The following DGKA variants were observed in gnomAD, a reference collection of about 807,000 sequenced individuals.
DGKA encodes diacylglycerol kinase alpha, also known as 80 kDa diacylglycerol kinase.
A neutral mutation model predicts 105.0 loss-of-function variants in DGKA; 35 were observed. The ratio of observed to expected loss-of-function variants is 0.33; its 90% CI spans 0.25 to 0.44. The LOEUF (loss-of-function observed/expected upper bound fraction) is 0.44, where lower values mean the gene tolerates loss of function less well. Among genes scored for constraint, DGKA ranks in the 20% least tolerant of loss-of-function variants. The pLI is 1.00. For missense variants in DGKA, 665 were observed against 915.0 expected (o/e 0.73, Z 3.53); for synonymous variants, 296 against 332.0 (o/e 0.89, Z 1.18).
intron 17 of DGKA, among the ~76,000 whole-genome samples, chr12:55,950,262 C>T (rs895672080): frequency 6.1e-5 from 9 of 147,780 alleles, no homozygotes; most frequent in African/African-American, 2.3e-4. Flanking sequence ...CATCAGCCAT[C>T]GCGCCCGGCC....
In DGKA at chr12:55,938,582, C is replaced by A. The variant is rs773518297; in HGVS notation, c.399+22C>A. On this transcript the variant is annotated intron_variant, in intron 6 of 23. Coordinates refer to ENST00000331886, the MANE Select transcript of DGKA (RefSeq NM_001345.5). The stretch of plus-strand genomic sequence containing the variant: ...CTCAGTGAGTTGGGGACCCTGTATG[C>A]TGGGCAAGGGAATATGTGTTAATTT... The A allele has an allele frequency of 9.9e-6, 16 of 1,614,050 alleles. No homozygotes were observed. In the Middle Eastern group the frequency reaches 1.2e-3, roughly 116 times the overall value.
At chr12:55,943,013 A>G (rs910894848) in intron 17 of DGKA, among the ~76,000 whole-genome samples, 1 of 152,098 alleles carries the variant, frequency 6.6e-6, no homozygotes, top group Admixed American at 6.6e-5. Context: ...ATAGGGTGAA[A>G]GGTGGAAAAT....
Position 55,940,679 on chromosome 12 carries a change from G to A in DGKA, c.974G>A (p.Arg325Gln), listed in dbSNP as rs751345629. The change falls in exon 12 of 24, where the codon CGG (arginine) becomes CAG (glutamine). Residue 325 changes from arginine (R) to glutamine (Q), a missense_variant. Coordinates refer to ENST00000331886, the MANE Select transcript of DGKA (RefSeq NM_001345.5). The surrounding 1 kb of genome is among the most constrained non-coding windows in gnomAD (Gnocchi z 4.3). ...CATGAGTGTGACTGTGGGCTGCTCC[G>A]GGATCACATCCTGCCTCCATCTTCC... ...VGHECDCGLL[R>Q]DHILPPSSIY... 1.2e-5 allele frequency: 20 copies of A among 1,604,942 alleles called. No homozygotes were observed. Among genetic ancestry groups the A allele is most frequent in the East Asian group, 2.2e-5 (1 of 44,810 alleles).
At chr12:55,936,264 G>A (rs549093070) in intron 1 of DGKA, 159 bp from the exon 2 acceptor site, 2 of 812,612 alleles carry the variant, frequency 2.5e-6, no homozygotes, top group Non-Finnish European at 3.6e-6. Context: ...GAGGCATAGG[G>A]AAGAGGGACA....
intron 1 of DGKA, chr12:55,935,929 G>T: frequency 1.0e-6 from 1 of 986,434 alleles, no homozygotes; most frequent in Non-Finnish European, 1.2e-6. Context: ...GAACAAAATG[G>T]GGTCATGGCC....
intron 14 of DGKA, 36 bp downstream of exon 14, chr12:55,941,361 G>A (rs1301534411): frequency 6.8e-6 from 11 of 1,606,132 alleles, no homozygotes; most frequent in East Asian, 2.2e-5. Flanking sequence ...TAAGATGAGA[G>A]GCAGGGCCTG....
rs1207197048 is a variant in DGKA at position 55,953,970 on chromosome 12, G to A, written c.*202G>A. On this transcript the variant is annotated 3_prime_UTR_variant, in exon 24 of 24. Coordinates refer to ENST00000331886, the MANE Select transcript of DGKA (RefSeq NM_001345.5). ...ACACACACCCCAAAACACATACATTGAAAGTGCCTCATCTGAATAAAATGA... is the reference window on the plus strand; with the variant it reads ...ACACACACCCCAAAACACATACATTAAAAGTGCCTCATCTGAATAAAATGA... The A allele has an allele frequency of 1.6e-6, 1 of 632,490 alleles. No individual in the cohort carries two copies. Among genetic ancestry groups the A allele is most frequent in the Non-Finnish European group, 2.7e-6 (1 of 368,002 alleles). The allele number at this position is 632,490 out of a possible 1,614,324, so 39.2% of individuals were successfully genotyped here.
At chr12:55,927,820 G>A (rs1883224727), upstream of DGKA, 1 of 1,518,112 alleles carries the variant, frequency 6.6e-7, no homozygotes, top group East Asian at 2.5e-5. Flanking sequence ...CTGCCCCGCT[G>A]GGCGGCGCCG....
chr12:55,939,744 A>C (rs1476326199), intron 9 of DGKA: 1 of 603,888 alleles, frequency 1.7e-6, no homozygotes, highest in African/African-American at 1.9e-5. Context: ...GGTGCAAGAA[A>C]AGTGCTTCAG....
chr12:55,951,977 G>A, intron 18 of DGKA, 58 bp from the exon 19 acceptor site: 1 of 1,599,492 alleles, frequency 6.3e-7, no homozygotes, highest in Non-Finnish European at 8.6e-7. Context: ...GGGAAAGAGG[G>A]GAGACCGGGA....
At chr12:55,948,415 A>C (rs937361006) in intron 17 of DGKA, among the ~76,000 whole-genome samples, 14 of 150,050 alleles carry the variant, frequency 9.3e-5, no homozygotes, top group Admixed American at 2.7e-4. Context: ...AAAAAAAAAA[A>C]GGTATTTTCT....
At chr12:55,937,880 CT>C in intron 4 of DGKA, 97 bp from the exon 5 acceptor site, 55 of 1,137,234 alleles carry the variant, frequency 4.8e-5, no homozygotes, top group Non-Finnish European at 6.2e-5. Flanking sequence ...ATCAGTAAAT[CT>C]TTTTTTTAAA....
upstream of DGKA, chr12:55,927,776 C>G: frequency 6.5e-7 from 1 of 1,538,088 alleles, no homozygotes; most frequent in Non-Finnish European, 8.7e-7. Context: ...GAAGAGGCAG[C>G]GGACCAGGTT....
chr12:55,942,040 G>A lies in DGKA; in HGVS notation c.1293G>A (p.Val431=), dbSNP rs1886122736. Residue 431 remains valine (V), a synonymous_variant, in exon 16 of 24, where the codon GTG becomes GTA. Transcript: ENST00000331886. ...ATGTTCCTGATAGCCGGATTTTGGTGTGTGGTGGAGACGGCACAGTAGGCT... is the reference window on the plus strand; with the variant it reads ...ATGTTCCTGATAGCCGGATTTTGGTATGTGGTGGAGACGGCACAGTAGGCT... ...FKDVPDSRIL[V]CGGDGTVGWI... 1 of 1,614,212 alleles carries A rather than the reference G, an allele frequency of 6.2e-7. No homozygotes were observed. Among genetic ancestry groups the A allele is most frequent in the African/African-American group, 1.3e-5 (1 of 75,036 alleles).
upstream of DGKA, chr12:55,927,895 GCC>G (rs1883226939): frequency 2.8e-5 from 33 of 1,176,062 alleles, no homozygotes; most frequent in Admixed American, 5.2e-5. Flanking sequence ...AACCCTGAGT[GCC>G]TCCTCGGGCT....
intron 4 of DGKA, among the ~76,000 whole-genome samples, chr12:55,937,750 C>T (rs1885047633): frequency 3.3e-5 from 5 of 152,058 alleles, no homozygotes. Flanking sequence ...GTAGTCCCAG[C>T]ACTTTGGGAA....
intron 17 of DGKA, among the ~76,000 whole-genome samples, chr12:55,948,545 CAGTG>C (rs1887507996): frequency 6.7e-6 from 1 of 149,272 alleles, no homozygotes; most frequent in South Asian, 2.1e-4. Flanking sequence ...CTGGGCTACA[CAGTG>C]AGACCTCATC....
chr12:55,930,097 C>T (rs1468791929), upstream of DGKA, among the ~76,000 whole-genome samples: 1 of 152,104 alleles, frequency 6.6e-6, no homozygotes, highest in Non-Finnish European at 1.5e-5. Flanking sequence ...GTTAGGGGAC[C>T]TATTCTTACA....
intron 2 of DGKA, 138 bp from the exon 3 acceptor site, chr12:55,936,879 A>G (rs760041487): frequency 1.3e-5 from 12 of 897,836 alleles, no homozygotes; most frequent in Non-Finnish European, 2.1e-5. Flanking sequence ...AGGATCTGAA[A>G]TATTTTTCCC....
Sources: allele counts gnomAD v4.1 joint callset (sites outside exome capture counted in the v4.1 genomes callset), GRCh38; gene constraint gnomAD v4.1.1; non-coding constraint Gnocchi (gnomAD v3.1); transcripts MANE v1.5; gene names NCBI Gene and HGNC (gene_info 2026-07-23, HGNC 2026-07-21).